C3orf52: variants seen among roughly 807,000 people sequenced by gnomAD.
C3orf52 encodes the protein TPA-induced transmembrane protein.
C3orf52 carries 22 observed loss-of-function variants against 24.8 expected under a neutral mutation model. That is an observed-to-expected ratio of 0.89 (90% CI 0.63 to 1.27). C3orf52 has a LOEUF of 1.27. Among genes scored for constraint, C3orf52 ranks in the 50% most tolerant of loss-of-function variants. The pLI, the probability that C3orf52 is intolerant of heterozygous loss-of-function variation, is 0.00. For synonymous variants in C3orf52, 93 were observed against 100.2 expected (o/e 0.93, Z 0.43); for missense variants, 265 against 260.7 (o/e 1.02, Z -0.11).
chr3:112,105,460 G>A (rs2074014356), intron 3 of C3orf52, among the ~76,000 whole-genome samples: 1 of 151,968 alleles, frequency 6.6e-6, no homozygotes, highest in African/African-American at 2.4e-5. Context: ...GATATAAAAG[G>A]TAAATGGAAG....
At chr3:112,134,713 T>C (rs2074532557), downstream of C3orf52, 1 of 152,410 alleles carries the variant, frequency 6.6e-6, no homozygotes, top group Admixed American at 6.5e-5. Context: ...ATAGCCGAAA[T>C]ACCCTGGAAA....
chr3:112,125,376 G>A, intron 4 of C3orf52: 1 of 703,218 alleles, frequency 1.4e-6, no homozygotes, highest in Non-Finnish European at 2.6e-6. Context: ...CTCTTCTCAG[G>A]CTATTCTGAT....
At chr3:112,102,037 C>G (rs1396993274) in intron 2 of C3orf52, among the ~76,000 whole-genome samples, 3 of 152,174 alleles carry the variant, frequency 2.0e-5, no homozygotes, top group Non-Finnish European at 4.4e-5. Context: ...TTCCTGCACA[C>G]CCTGGGGCTC....
chr3:112,104,017 A>G (rs1271897992), intron 3 of C3orf52, among the ~76,000 whole-genome samples: 2 of 152,232 alleles, frequency 1.3e-5, no homozygotes, highest in African/African-American at 4.8e-5. Flanking sequence ...AAGGTGTTAC[A>G]ATAGTCCAGG....
At position 112,093,504 on chromosome 3, in the gene C3orf52, A is replaced by G; in HGVS notation, c.268+15A>G. ...TCTTGCTGCAGGTAAGAGGATTTAGATGTGAATAAATAACACATTTTAAGA... is the reference window on the plus strand; with the variant it reads ...TCTTGCTGCAGGTAAGAGGATTTAGGTGTGAATAAATAACACATTTTAAGA... On this transcript the variant is annotated intron_variant, in intron 2 of 5. Transcript: ENST00000264848. 6.2e-7 allele frequency: 1 copy of G among 1,607,172 alleles called. No individual in the cohort carries two copies. Among genetic ancestry groups the G allele is most frequent in the East Asian group, 2.2e-5 (1 of 44,714 alleles).
intron 2 of C3orf52, among the ~76,000 whole-genome samples, chr3:112,097,461 C>T (rs966032): frequency 0.25 from 38,074 of 151,948 alleles, 5,426 homozygotes; most frequent in East Asian, 0.55. Context: ...TGAGTAGGAA[C>T]GCTGTGGTAC....
intron 2 of C3orf52, among the ~76,000 whole-genome samples, chr3:112,095,205 C>A (rs2073914782): frequency 6.6e-6 from 1 of 152,164 alleles, no homozygotes; most frequent in African/African-American, 2.4e-5. Flanking sequence ...TAGGAAAAAG[C>A]TAATGAAGTG....
At chr3:112,093,818 A>G (rs1203614878) in intron 2 of C3orf52, among the ~76,000 whole-genome samples, 1 of 152,170 alleles carries the variant, frequency 6.6e-6, no homozygotes. Flanking sequence ...ATATCCTGAT[A>G]CCTGTTGATT....
chr3:112,126,995 T>G (rs758406606), intron 4 of C3orf52: 1 of 1,588,750 alleles, frequency 6.3e-7, no homozygotes, highest in Admixed American at 1.7e-5. Context: ...ACTTTCGTTT[T>G]GGGAATCTTG....
chr3:112,092,557 G>T (rs1251308832), intron 1 of C3orf52, among the ~76,000 whole-genome samples: 1 of 152,220 alleles, frequency 6.6e-6, no homozygotes, highest in Non-Finnish European at 1.5e-5. Context: ...ACACAGCAGG[G>T]ATTGGTTCTG....
At chr3:112,089,179 C>T (rs1203871476) in intron 1 of C3orf52, among the ~76,000 whole-genome samples, 1 of 152,174 alleles carries the variant, frequency 6.6e-6, no homozygotes, top group Admixed American at 6.5e-5. Context: ...TAAGAGATGG[C>T]AACATCATTT....
chr3:112,112,728 C>A lies in C3orf52; in HGVS notation c.468-236C>A, dbSNP rs2074095566. On this transcript the variant is annotated intron_variant, in intron 4 of 5. Transcript: ENST00000264848. ...CTCTGATGGCCTCTCCCAGTGGATT[C>A]CTAGAGGATAGGTACTAGGTGGAAG... 7.7e-6 allele frequency: 4 copies of A among 517,406 alleles called. No homozygotes were observed. In the South Asian group the frequency reaches 8.1e-5, roughly 10 times the overall value. 32.1% of individuals were successfully genotyped at this position (517,406 alleles called of 1,614,324 possible). A position where few individuals can be genotyped will look rare whatever the true frequency, so the allele number is the denominator to read the frequency against.
chr3:112,090,582 G>A (rs562255174), intron 1 of C3orf52, among the ~76,000 whole-genome samples: 4 of 152,318 alleles, frequency 2.6e-5, no homozygotes, highest in African/African-American at 9.6e-5. Flanking sequence ...ACAGGTCAGT[G>A]AGGGCACTAG....
chr3:112,101,073 C>T (rs1368157041), intron 2 of C3orf52, among the ~76,000 whole-genome samples: 3 of 151,880 alleles, frequency 2.0e-5, no homozygotes, highest in Non-Finnish European at 4.4e-5. Context: ...TTTTTTAAAT[C>T]ATACAACATA....
At chr3:112,109,093 A>G (rs1049565060) in intron 3 of C3orf52, among the ~76,000 whole-genome samples, 8 of 152,178 alleles carry the variant, frequency 5.3e-5, no homozygotes, top group African/African-American at 1.9e-4. Context: ...TGCTAGACCC[A>G]TGGCTTAGCA....
intron 1 of C3orf52, among the ~76,000 whole-genome samples, chr3:112,088,076 G>A (rs1023390019): frequency 6.6e-6 from 1 of 152,180 alleles, no homozygotes; most frequent in South Asian, 2.1e-4. Context: ...TTCTCATGAC[G>A]TCCTTGTTAG....
chr3:112,134,542 G>A (rs1374959949), downstream of C3orf52: 1 of 152,032 alleles, frequency 6.6e-6, no homozygotes, highest in Admixed American at 6.6e-5. Flanking sequence ...CCCGAGAAGG[G>A]GTCAAGGGAA....
chr3:112,126,984 TA>T lies in C3orf52; in HGVS notation c.*47-1248del, dbSNP rs769808404. On this transcript the variant is annotated intron_variant, in intron 4 of 4. Coordinates refer to the C3orf52 transcript ENST00000480282. ...TGAAAATACTAGGAAATCAATGACT[TA>T]CTTTCGTTTTGGGAATCTTGCCTCT... is the stretch of plus-strand genomic sequence containing the variant. The T allele has an allele frequency of 3.2e-6, 5 of 1,574,840 alleles. No individual in the cohort carries two copies. The South Asian group carries it at 5.7e-5, about 18-fold the overall frequency.
chr3:112,095,313 G>A (rs537185867), intron 2 of C3orf52, among the ~76,000 whole-genome samples: 1 of 152,338 alleles, frequency 6.6e-6, no homozygotes, highest in African/African-American at 2.4e-5. Context: ...TGTTGAAAAT[G>A]AGGTTGAGTA....
Sources: gnomAD v4.1 joint callset for allele counts (sites outside exome capture counted in the v4.1 genomes callset) on GRCh38, gnomAD v4.1.1 for gene constraint, MANE v1.5 for transcripts, NCBI Gene and HGNC (gene_info 2026-07-23, HGNC 2026-07-21) for gene names.